The following PADI4 variants were observed in gnomAD, a reference collection of about 807,000 sequenced individuals.
PADI4 encodes peptidyl arginine deiminase 4, also known as protein-arginine deiminase type-4.
PADI4 carries 62 observed loss-of-function variants against 75.0 expected under a neutral mutation model. The observed-to-expected ratio is 0.83, with a 90% CI of 0.67 to 1.02. The LOEUF is 1.02. Among genes scored for constraint, PADI4 ranks in the 50% least tolerant of loss-of-function variants. PADI4 has a pLI of 0.00. For synonymous variants in PADI4, 361 were observed against 348.1 expected (o/e 1.04, Z -0.41); for missense variants, 845 against 850.5 (o/e 0.99, Z 0.08).
chr1:17,314,013 C>A (rs72633836), intron 1 of PADI4, among the ~76,000 whole-genome samples: 2 of 152,200 alleles, frequency 1.3e-5, no homozygotes, highest in African/African-American at 2.4e-5. Flanking sequence ...TCCCAGCTGG[C>A]CCTTACCTCT....
At chr1:17,310,630 A>G (rs1418162371) in intron 1 of PADI4, among the ~76,000 whole-genome samples, 2 of 151,998 alleles carry the variant, frequency 1.3e-5, no homozygotes, top group African/African-American at 4.8e-5. Context: ...GTCTCAAAAA[A>G]AAAGAGGCAA....
intron 1 of PADI4, among the ~76,000 whole-genome samples, chr1:17,315,067 A>G (rs2073908530): frequency 6.6e-6 from 1 of 152,196 alleles, no homozygotes; most frequent in East Asian, 1.9e-4. Context: ...TGGGAAAGCC[A>G]CCACCTGAGC....
chr1:17,353,276 T>G (rs149946638), intron 10 of PADI4, among the ~76,000 whole-genome samples: 142 of 152,070 alleles, frequency 9.3e-4, no homozygotes, highest in African/African-American at 3.4e-3. Context: ...CTGGGCAACA[T>G]AGTGAGACCC....
At chr1:17,340,079 C>CCT (rs2074390955) in intron 6 of PADI4, among the ~76,000 whole-genome samples, 1 of 151,680 alleles carries the variant, frequency 6.6e-6, no homozygotes, top group Non-Finnish European at 1.5e-5. Context: ...CACACACACA[C>CCT]CTCCTGGTTA....
At chr1:17,311,718 T>G (rs56404264) in intron 1 of PADI4, among the ~76,000 whole-genome samples, 2 of 151,892 alleles carry the variant, frequency 1.3e-5, no homozygotes, top group East Asian at 2.0e-4. Context: ...GTAGAGACGG[T>G]GTTTCACCGT....
Position 17,356,475 on chromosome 1 carries a change from C to CT in PADI4, c.1558+18dup. The CT allele has an allele frequency of 6.8e-7, 1 of 1,461,804 alleles. No individual in the cohort carries two copies. The highest frequency in any genetic ancestry group is 9.6e-7 in the Non-Finnish European group (1 of 1,044,708). 90.6% of individuals were successfully genotyped at this position (1,461,804 alleles called of 1,614,324 possible). ...GGGATCAAGAGTAAGTCGGCCCTGC[C>CT]TTGTTCTCCTGTCTGTGCACCTTCC... On this transcript the variant is annotated intron_variant, in intron 13 of 15. Transcript: ENST00000375448. The surrounding 1 kb of genome is among the most constrained non-coding windows in gnomAD (Gnocchi z 4.1).
rs1321964968 is a variant in PADI4 at position 17,356,471 on chromosome 1, C to T, written c.1558+12C>T. 4.0e-6 allele frequency: 6 copies of T among 1,488,552 alleles called. No individual in the cohort carries two copies. The highest frequency in any genetic ancestry group is 5.6e-6 in the Non-Finnish European group (6 of 1,068,786). The allele number at this position is 1,488,552 out of a possible 1,614,324, so 92.2% of individuals were successfully genotyped here. A position where few individuals can be genotyped will look rare whatever the true frequency, so the allele number is the denominator to read the frequency against. ...CGAAGGGATCAAGAGTAAGTCGGCC[C>T]TGCCTTGTTCTCCTGTCTGTGCACC... On this transcript the variant is annotated intron_variant, in intron 13 of 15. Transcript: ENST00000375448. This position sits in a 1 kb window ranked among gnomAD's most constrained non-coding sequence, Gnocchi z 4.1.
intron 10 of PADI4, among the ~76,000 whole-genome samples, chr1:17,352,046 A>G (rs369281402): frequency 0.047 from 2,805 of 59,130 alleles, 304 homozygotes; most frequent in African/African-American, 0.19. Flanking sequence ...GAGGAGAGGC[A>G]GTCAGGGAGG....
chr1:17,331,004 A>T lies in PADI4; in HGVS notation c.128A>T (p.Asn43Ile). 1 of 1,594,568 alleles carries T rather than the reference A, an allele frequency of 6.3e-7. No individual in the cohort carries two copies. The change falls in exon 2 of 16, where the codon AAC (asparagine) becomes ATC (isoleucine). Residue 43 changes from asparagine to isoleucine, a missense_variant. Asn to Ile is a moderately radical substitution (Grantham distance 149). Transcript: ENST00000375448. ...GAGGACTGCACGTCCTTCAGCATCA[A>T]CGCCTCCCCAGGGGTGGTCGTGGAT... ...APEDCTSFSI[N>I]ASPGVVVDIA... is the part of the protein sequence containing the mutation.
chr1:17,331,256 C>T (rs1269054375), intron 2 of PADI4, 107 bp downstream of exon 2: 2 of 964,264 alleles, frequency 2.1e-6, no homozygotes, highest in Non-Finnish European at 3.1e-6. Flanking sequence ...GAGCCTCTTG[C>T]CCTGTGGAAG....
intron 1 of PADI4, among the ~76,000 whole-genome samples, chr1:17,321,527 C>T (rs1490613607): frequency 1.3e-5 from 2 of 152,184 alleles, no homozygotes; most frequent in African/African-American, 2.4e-5. Flanking sequence ...GTGAACAGTG[C>T]CTGGAGCAGA....
intron 1 of PADI4, 67 bp from the exon 2 acceptor site, chr1:17,330,902 G>A (rs1182057130): frequency 4.9e-6 from 5 of 1,020,412 alleles, no homozygotes; most frequent in East Asian, 5.6e-5. Flanking sequence ...AGAAATGCTG[G>A]GAGAGCCATG....
At chr1:17,312,463 A>AAAG (rs1245825315) in intron 1 of PADI4, among the ~76,000 whole-genome samples, 1 of 151,302 alleles carries the variant, frequency 6.6e-6, no homozygotes, top group Non-Finnish European at 1.5e-5. Context: ...TCCGCCTCAA[A>AAAG]AAAAAAAAAA....
chr1:17,341,794 T>TTAGGAGA, intron 6 of PADI4, 149 bp from the exon 7 acceptor site: 1 of 621,276 alleles, frequency 1.6e-6, no homozygotes, highest in Non-Finnish European at 2.8e-6. Context: ...CCTTTTCTCC[T>TTAGGAGA]AAGGGGACTG....
intron 10 of PADI4, among the ~76,000 whole-genome samples, chr1:17,352,267 T>TG (rs2074676918): frequency 7.1e-6 from 1 of 140,558 alleles, no homozygotes; most frequent in African/African-American, 3.0e-5. Flanking sequence ...AAGGAGGTGA[T>TG]GGGAGGAGAT....
chr1:17,334,213 A>T (rs1423700994), intron 3 of PADI4: 3 of 580,444 alleles, frequency 5.2e-6, no homozygotes, highest in Non-Finnish European at 9.5e-6. Flanking sequence ...ACAATGTGGC[A>T]GTGGTGGTGC....
chr1:17,345,986 A>G, intron 8 of PADI4, 42 bp from the exon 9 acceptor site: 1 of 1,338,714 alleles, frequency 7.5e-7, no homozygotes, highest in South Asian at 1.2e-5. Context: ...GCTGAGCTTC[A>G]AATTCCAGAG....
At chr1:17,324,424 T>C (rs2074086418) in intron 1 of PADI4, among the ~76,000 whole-genome samples, 1 of 152,176 alleles carries the variant, frequency 6.6e-6, no homozygotes, top group Non-Finnish European at 1.5e-5. Flanking sequence ...TCTCCTTACA[T>C]TGTGCTTGTC....
chr1:17,331,001 T>A lies in PADI4; in HGVS notation c.125T>A (p.Ile42Asn). The A allele has an allele frequency of 6.3e-7, 1 of 1,595,252 alleles. No homozygotes were observed. The highest frequency in any genetic ancestry group is 8.5e-7 in the Non-Finnish European group (1 of 1,172,840). The stretch of plus-strand genomic sequence containing the variant: ...CCTGAGGACTGCACGTCCTTCAGCA[T>A]CAACGCCTCCCCAGGGGTGGTCGTG... ...SAPEDCTSFS[I>N]NASPGVVVDI... The change falls in exon 2 of 16, where the codon ATC becomes AAC. Residue 42 changes from isoleucine to asparagine, a missense_variant. Physicochemically the swap from Ile to Asn is moderately radical, Grantham distance 149. Transcript: ENST00000375448.
Sources: gnomAD v4.1 joint callset for allele counts (sites outside exome capture counted in the v4.1 genomes callset) on GRCh38, gnomAD v4.1.1 for gene constraint, Gnocchi (gnomAD v3.1) non-coding constraint, MANE v1.5 for transcripts, NCBI Gene and HGNC (gene_info 2026-07-23, HGNC 2026-07-21) for gene names.